Variants in CSMD1 observed in about 807,000 individuals in gnomAD.
The protein encoded by CSMD1 is CUB and sushi domain-containing protein 1.
A neutral mutation model predicts 417.5 loss-of-function variants in CSMD1; 213 were observed. The ratio of observed to expected loss-of-function variants is 0.51; its 90% CI spans 0.46 to 0.57. The LOEUF (loss-of-function observed/expected upper bound fraction) is 0.57, where lower values mean the gene tolerates loss of function less well. Ranked by LOEUF, CSMD1 falls within the 20% of genes least tolerant of loss-of-function variation. CSMD1 has a pLI of 0.00. For synonymous variants in CSMD1, 2,862 were observed against 1,736.8 expected (o/e 1.65, Z -16.11); for missense variants, 6,923 against 4,529.7 (o/e 1.53, Z -15.17).
chr8:3,656,448 A>C (rs1319103412), intron 7 of CSMD1, among the ~76,000 whole-genome samples: 1 of 152,182 alleles, frequency 6.6e-6, no homozygotes, highest in African/African-American at 2.4e-5. Context: ...GTGAGAGTGA[A>C]AAGATGGTGT....
chr8:3,436,956 G>C (rs75285158), intron 12 of CSMD1, among the ~76,000 whole-genome samples: 3 of 152,006 alleles, frequency 2.0e-5, no homozygotes, highest in Non-Finnish European at 2.9e-5. Context: ...CTAAAAAAAA[G>C]AGAGAAAAAA....
rs367922830 is a variant in CSMD1, at chr8:4,774,864, C to T, written c.86-137306G>A. Among the ~76,000 whole-genome samples, 37 of 152,228 alleles carry T rather than the reference C, an allele frequency of 2.4e-4. 1 individual carries two copies. The South Asian group carries it at 4.2e-3, about 17-fold the overall frequency. On this transcript the variant is annotated intron_variant, in intron 1 of 69. Coordinates refer to ENST00000635120, the MANE Select transcript of CSMD1 (RefSeq NM_033225.6). Reference sequence around the variant, plus strand: ...TGTGAAGTGTTGATTCCTTGTTTACCTTCCGCCATGACTGAAAGTTACCTG... The same window carrying T: ...TGTGAAGTGTTGATTCCTTGTTTACTTTCCGCCATGACTGAAAGTTACCTG...
chr8:4,202,825 G>A (rs961576212), intron 3 of CSMD1, among the ~76,000 whole-genome samples: 21 of 152,202 alleles, frequency 1.4e-4, no homozygotes, highest in African/African-American at 4.1e-4. Context: ...GAAAAAGAGG[G>A]CAGTGAAGCT....
rs113641608 is a variant in CSMD1 at position 3,196,451 on chromosome 8, C to T, written c.5194+3263G>A. 2.6e-5 allele frequency among the ~76,000 whole-genome samples: 4 copies of T among 152,218 alleles called. 1 individual carries two copies. The highest frequency in any genetic ancestry group is 3.9e-4 in the East Asian group (2 of 5,166). Reference sequence around the variant, plus strand: ...TTGTTTTTACTTTACTCTATGGACTCGCCCCAAATTCTTTCTTGCGCGAGA... The same window carrying T: ...TTGTTTTTACTTTACTCTATGGACTTGCCCCAAATTCTTTCTTGCGCGAGA... On this transcript the variant is annotated intron_variant, in intron 33 of 69. Transcript: ENST00000635120.
chr8:4,021,441 T>C (rs1480410420), intron 4 of CSMD1, among the ~76,000 whole-genome samples: 3 of 152,186 alleles, frequency 2.0e-5, no homozygotes, highest in African/African-American at 7.2e-5. Flanking sequence ...ACTGCTCTAA[T>C]TACTAAGGAC....
chr8:3,356,944 A>C (rs1808834653), intron 21 of CSMD1, among the ~76,000 whole-genome samples: 8 of 152,014 alleles, frequency 5.3e-5, no homozygotes, highest in Admixed American at 5.2e-4. Flanking sequence ...TGGGGTTTTC[A>C]CTTTGGAGAG....
In CSMD1 at chr8:3,219,406, G is replaced by C. The variant is rs1340477587; in HGVS notation, c.4521C>G (p.Ile1507Met). Reference protein sequence around the residue: ...NMEPSYDFLHIYEGEDSNSPL... With the variant: ...NMEPSYDFLHMYEGEDSNSPL... ...GGCTGTTGGAATCTTCCCCTTCATA[G>C]ATGTGTAGGAAGTCATAGCTGGGCT... The change falls in exon 29 of 70, where the codon ATC (isoleucine) becomes ATG (methionine). Residue 1507 changes from isoleucine (I) to methionine (M), a missense_variant. Coordinates refer to ENST00000635120, the MANE Select transcript of CSMD1 (RefSeq NM_033225.6). 1.3e-6 allele frequency: 2 copies of C among 1,550,010 alleles called. No individual in the cohort carries two copies. Among genetic ancestry groups the C allele is most frequent in the African/African-American group, 2.8e-5 (2 of 72,674 alleles).
chr8:4,091,491 C>G (rs901557801), intron 3 of CSMD1, among the ~76,000 whole-genome samples: 4 of 152,162 alleles, frequency 2.6e-5, no homozygotes, highest in African/African-American at 7.2e-5. Flanking sequence ...AAAGTATTTA[C>G]TTATATGCTG....
intron 3 of CSMD1, among the ~76,000 whole-genome samples, chr8:4,368,264 G>A (rs570760653): frequency 7.8e-4 from 118 of 152,086 alleles, no homozygotes; most frequent in Middle Eastern, 3.4e-3. Context: ...TGGCTTTTTT[G>A]TTCTGTGTAT....
chr8:4,715,339 TTA>T (rs1808585911), intron 1 of CSMD1, among the ~76,000 whole-genome samples: 1 of 152,154 alleles, frequency 6.6e-6, no homozygotes, highest in South Asian at 2.1e-4. Context: ...ATTCAGAAAT[TTA>T]CAAAGCAATG....
At chr8:4,820,158 G>C (rs1799439647) in intron 1 of CSMD1, among the ~76,000 whole-genome samples, 1 of 152,082 alleles carries the variant, frequency 6.6e-6, no homozygotes. Context: ...TGTGAAGGGA[G>C]AGCTACTCAA....
intron 12 of CSMD1, among the ~76,000 whole-genome samples, chr8:3,423,323 CAGTCCATTTTT>C (rs1193947731): frequency 6.6e-6 from 1 of 152,204 alleles, no homozygotes; most frequent in East Asian, 1.9e-4. Context: ...TATCCATTTT[CAGTCCATTTTT>C]TCTCCCTTTC....
intron 3 of CSMD1, among the ~76,000 whole-genome samples, chr8:4,345,971 G>T (rs910334611): frequency 6.6e-6 from 1 of 152,098 alleles, no homozygotes; most frequent in African/African-American, 2.4e-5. Context: ...ATACTGACTA[G>T]ATATCATTTG....
intron 2 of CSMD1, among the ~76,000 whole-genome samples, chr8:4,555,770 A>G (rs1798062106): frequency 6.6e-6 from 1 of 152,186 alleles, no homozygotes; most frequent in African/African-American, 2.4e-5. Flanking sequence ...AACAAATGCA[A>G]AATAATACTG....
rs547179749 is a variant in CSMD1, at chr8:3,708,678, C to G, written c.932-187G>C. On this transcript the variant is annotated intron_variant, in intron 6 of 69. Coordinates refer to ENST00000635120, the MANE Select transcript of CSMD1 (RefSeq NM_033225.6). ...TTGTAAATAATTATTGTGAGGCTAT[C>G]AAGCAGCAAGATCACATCTTACAGC... Among the ~76,000 whole-genome samples, 2 of 152,260 alleles carry G rather than the reference C, an allele frequency of 1.3e-5. 1 individual carries two copies. The highest frequency in any genetic ancestry group is 4.1e-4 in the South Asian group (2 of 4,824).
chr8:3,722,610 A>G (rs1802251312), intron 6 of CSMD1, among the ~76,000 whole-genome samples: 2 of 152,186 alleles, frequency 1.3e-5, no homozygotes, highest in African/African-American at 2.4e-5. Context: ...CCCTGGTGGG[A>G]AAAGTCCCCA....
intron 33 of CSMD1, among the ~76,000 whole-genome samples, chr8:3,193,835 G>C (rs1585616528): frequency 6.6e-6 from 1 of 152,300 alleles, no homozygotes; most frequent in Admixed American, 6.5e-5. Flanking sequence ...GAAGCATGTT[G>C]TGACAGGTTC....
chr8:3,676,139 G>A (rs577539874), intron 7 of CSMD1, among the ~76,000 whole-genome samples: 1 of 152,174 alleles, frequency 6.6e-6, no homozygotes, highest in Non-Finnish European at 1.5e-5. Context: ...ATTATACCTA[G>A]AATAGGTAAA....
intron 3 of CSMD1, among the ~76,000 whole-genome samples, chr8:4,396,335 C>T (rs960035843): frequency 1.3e-5 from 2 of 151,268 alleles, no homozygotes; most frequent in Non-Finnish European, 2.9e-5. Context: ...GGCATGGTAG[C>T]ATGCACCTGT....
Sources: allele counts gnomAD v4.1 joint callset (sites outside exome capture counted in the v4.1 genomes callset), GRCh38; gene constraint gnomAD v4.1.1; transcripts MANE v1.5; gene names NCBI Gene and HGNC (gene_info 2026-07-23, HGNC 2026-07-21).